TINAG: variants seen among roughly 807,000 people sequenced by gnomAD.
The protein encoded by TINAG is tubulointerstitial nephritis antigen.
In TINAG, 83 loss-of-function variants were observed where a neutral mutation model predicts 72.7. The ratio of observed to expected loss-of-function variants is 1.14; its 90% CI spans 0.96 to 1.37. The LOEUF (loss-of-function observed/expected upper bound fraction) is 1.37, where lower values mean the gene tolerates loss of function less well. Among genes scored for constraint, TINAG ranks in the 40% most tolerant of loss-of-function variants. The probability of loss-of-function intolerance (pLI) is 0.00; values close to 1 mark genes in which losing one functional copy is unlikely to be tolerated. For synonymous variants in TINAG, 234 were observed against 189.9 expected, an observed-to-expected ratio of 1.23 and a Z score of -1.91; for missense variants, 685 against 576.6, an observed-to-expected ratio of 1.19 and a Z score of -1.93.
intron 9 of TINAG, among the ~76,000 whole-genome samples, chr6:54,358,191 T>C (rs1185036035): frequency 6.6e-6 from 1 of 151,856 alleles, no homozygotes; most frequent in Non-Finnish European, 1.5e-5. Context: ...CTGGCTGCCC[T>C]ATATAATTTG....
chr6:54,353,071 T>C (rs557562437), intron 8 of TINAG, among the ~76,000 whole-genome samples: 1 of 151,930 alleles, frequency 6.6e-6, no homozygotes, highest in East Asian at 1.9e-4. Context: ...AATTGCATGA[T>C]TGTAACTTAT....
intron 4 of TINAG, among the ~76,000 whole-genome samples, chr6:54,337,841 A>G (rs1042612303): frequency 6.6e-6 from 1 of 152,186 alleles, no homozygotes; most frequent in Non-Finnish European, 1.5e-5. Context: ...AGGGGAAGAG[A>G]GGCAGGGCCA....
chr6:54,357,106 G>A (rs953408129), intron 9 of TINAG, among the ~76,000 whole-genome samples: 1 of 151,792 alleles, frequency 6.6e-6, no homozygotes, highest in Non-Finnish European at 1.5e-5. Flanking sequence ...CTATTTCAAG[G>A]TTATCAAAGG....
chr6:54,345,696 T>C (rs2150956500), intron 5 of TINAG, among the ~76,000 whole-genome samples: 1 of 152,208 alleles, frequency 6.6e-6, no homozygotes, highest in East Asian at 1.9e-4. Context: ...CATTTGCTCC[T>C]GTGAAATATA....
At chr6:54,328,200 G>A (rs537975038) in intron 4 of TINAG, among the ~76,000 whole-genome samples, 1 of 152,244 alleles carries the variant, frequency 6.6e-6, no homozygotes, top group South Asian at 2.1e-4. Context: ...GGGTTCAACA[G>A]ACACCTCATA....
Position 54,390,128 on chromosome 6 carries a change from G to T in TINAG, c.*203G>T, listed in dbSNP as rs1764208198. On this transcript the variant is annotated 3_prime_UTR_variant, in exon 11 of 11. Coordinates refer to ENST00000259782, the MANE Select transcript of TINAG (RefSeq NM_014464.4). ...TTAACAACACCAATAAAGGACAGCA[G>T]AGTCCCTAAATGTCTTTAAAGTTCC... 6.2e-6 allele frequency: 4 copies of T among 640,344 alleles called. No homozygotes were observed. In the South Asian group the frequency reaches 9.8e-5, roughly 16 times the overall value. The allele number at this position is 640,344 out of a possible 1,614,324, so 39.7% of individuals were successfully genotyped here. A position where few individuals can be genotyped will look rare whatever the true frequency, so the allele number is the denominator to read the frequency against.
rs375930856 is a variant in TINAG at position 54,326,825 on chromosome 6, A to G, written c.533A>G (p.Gln178Arg). The G allele has an allele frequency of 9.9e-6, 16 of 1,610,922 alleles. No individual in the cohort carries two copies. The South Asian group carries it at 1.7e-4, about 17-fold the overall frequency. Residue 178 changes from glutamine (Q) to arginine (R), a missense_variant, in exon 4 of 11, where the codon CAA becomes CGA. By Grantham distance (43) the Gln-to-Arg change is conservative. Transcript: ENST00000259782. ...AGATGGACAGCACAGAATTACAGCC[A>G]ATTTTGGGGAATGACTTTAGAAGAT... ...DYGWTAQNYS[Q>R]FWGMTLEDGF...
At chr6:54,350,483 G>T (rs916331291) in intron 7 of TINAG, among the ~76,000 whole-genome samples, 2 of 151,448 alleles carry the variant, frequency 1.3e-5, no homozygotes, top group Non-Finnish European at 1.5e-5. Context: ...TGGTTTTGAC[G>T]TACTACTTTT....
intron 9 of TINAG, among the ~76,000 whole-genome samples, chr6:54,373,666 T>C (rs927466535): frequency 1.1e-4 from 17 of 152,106 alleles, no homozygotes; most frequent in African/African-American, 3.9e-4. Context: ...ACATGGACGA[T>C]ATGCAAATAA....
intron 9 of TINAG, among the ~76,000 whole-genome samples, chr6:54,364,502 A>T (rs1413316555): frequency 6.6e-6 from 1 of 151,506 alleles, no homozygotes; most frequent in African/African-American, 2.4e-5. Flanking sequence ...AATAATTCAA[A>T]TATATTAATA....
Position 54,365,195 on chromosome 6 carries a change from C to A in TINAG, c.1250+10559C>A, listed in dbSNP as rs575107001. On this transcript the variant is annotated intron_variant, in intron 9 of 10. Transcript: ENST00000259782. ...TATTTAGCAAATGCAAATAAATGTGCGATAATTAGTATAGACTTTGCAATA... is the reference window on the plus strand; with the variant it reads ...TATTTAGCAAATGCAAATAAATGTGAGATAATTAGTATAGACTTTGCAATA... 3.3e-5 allele frequency: 5 copies of A among 151,504 alleles called. No individual in the cohort carries two copies. In the South Asian group the frequency reaches 8.3e-4, roughly 25 times the overall value. 9.4% of individuals were successfully genotyped at this position (151,504 alleles called of 1,614,324 possible). A position where few individuals can be genotyped will look rare whatever the true frequency, so the allele number is the denominator to read the frequency against.
intron 4 of TINAG, chr6:54,327,134 C>T (rs1441113685): frequency 1.5e-5 from 23 of 1,549,012 alleles, no homozygotes; most frequent in Middle Eastern, 1.7e-4. Flanking sequence ...GACATAGTCT[C>T]CTTTAGGAAT....
At chr6:54,387,287 G>C (rs1287556904) in intron 10 of TINAG, among the ~76,000 whole-genome samples, 4 of 152,090 alleles carry the variant, frequency 2.6e-5, no homozygotes, top group African/African-American at 9.7e-5. Flanking sequence ...GGAGTAAATA[G>C]AATCTTATAC....
intron 10 of TINAG, among the ~76,000 whole-genome samples, chr6:54,385,555 CA>C (rs2150985567): frequency 6.6e-6 from 1 of 151,886 alleles, no homozygotes; most frequent in Non-Finnish European, 1.5e-5. Context: ...GTGAATTTTC[CA>C]AACATTTAAG....
At chr6:54,372,583 A>G (rs777289530) in intron 9 of TINAG, among the ~76,000 whole-genome samples, 4 of 151,884 alleles carry the variant, frequency 2.6e-5, no homozygotes, top group Non-Finnish European at 5.9e-5. Flanking sequence ...GTCAACTGAA[A>G]TATGGATTGG....
intron 4 of TINAG, 84 bp from the exon 5 acceptor site, chr6:54,343,142 T>C: frequency 8.3e-7 from 1 of 1,197,846 alleles, no homozygotes. Context: ...AAAAAATAAT[T>C]ATAACTTTAT....
chr6:54,344,671 G>T (rs1047751322), intron 5 of TINAG, among the ~76,000 whole-genome samples: 2 of 152,126 alleles, frequency 1.3e-5, no homozygotes, highest in African/African-American at 4.8e-5. Context: ...AAAGCAACTT[G>T]CTAGGGTGGA....
intron 4 of TINAG, 148 bp from the exon 5 acceptor site, chr6:54,343,078 A>G: frequency 1.6e-6 from 1 of 642,314 alleles, no homozygotes; most frequent in East Asian, 3.6e-5. Context: ...AGAGTGAAAT[A>G]TAAATCCCAC....
chr6:54,375,721 A>C (rs1763759268), intron 9 of TINAG, among the ~76,000 whole-genome samples: 1 of 152,170 alleles, frequency 6.6e-6, no homozygotes, highest in African/African-American at 2.4e-5. Flanking sequence ...TACAACTGTT[A>C]AAAGAACAAA....
Sources: allele counts gnomAD v4.1 joint callset (sites outside exome capture counted in the v4.1 genomes callset), GRCh38; gene constraint gnomAD v4.1.1; transcripts MANE v1.5; gene names NCBI Gene and HGNC (gene_info 2026-07-23, HGNC 2026-07-21).